Variants in NSUN3 observed in about 807,000 individuals in gnomAD.
The protein encoded by NSUN3 is tRNA (cytosine(34)-C(5))-methyltransferase, mitochondrial.
NSUN3 carries 24 observed loss-of-function variants against 36.8 expected under a neutral mutation model. The ratio of observed to expected loss-of-function variants is 0.65; its 90% CI spans 0.47 to 0.92. The LOEUF is 0.92. Among genes scored for constraint, NSUN3 ranks in the 40% least tolerant of loss-of-function variants. The pLI is 0.00. For synonymous variants in NSUN3, 146 were observed against 145.2 expected (o/e 1.01, Z -0.04); for missense variants, 381 against 392.8 (o/e 0.97, Z 0.25).
chr3:94,106,070 T>TGAGGCAATGAAC (rs2077387612), intron 5 of NSUN3, among the ~76,000 whole-genome samples: 1 of 152,166 alleles, frequency 6.6e-6, no homozygotes, highest in African/African-American at 2.4e-5. Context: ...CTCATATTAA[T>TGAGGCAATGAAC]GAGGCAATGA....
intron 5 of NSUN3, among the ~76,000 whole-genome samples, chr3:94,096,330 G>T (rs1275878110): frequency 4.6e-5 from 7 of 152,048 alleles, no homozygotes; most frequent in South Asian, 2.1e-4. Context: ...CTATTTGTTT[G>T]TATACTTCTG....
At chr3:94,087,697 G>A (rs772142508) in intron 3 of NSUN3, among the ~76,000 whole-genome samples, 2 of 152,158 alleles carry the variant, frequency 1.3e-5, no homozygotes, top group African/African-American at 4.8e-5. Flanking sequence ...TTGAGACAAG[G>A]TCTTGCTCTG....
intron 2 of NSUN3, chr3:94,076,327 C>T (rs2077245628): frequency 1.7e-5 from 14 of 843,338 alleles, no homozygotes; most frequent in Non-Finnish European, 2.7e-5. Context: ...AGAATGAACT[C>T]ACTATAAGGA....
intron 3 of NSUN3, among the ~76,000 whole-genome samples, chr3:94,087,191 A>T (rs2077295615): frequency 6.6e-6 from 1 of 152,218 alleles, no homozygotes; most frequent in East Asian, 1.9e-4. Flanking sequence ...AGAAGTACAG[A>T]TGTCTTCATG....
At chr3:94,110,386 C>G (rs970787178) in intron 5 of NSUN3, among the ~76,000 whole-genome samples, 1 of 152,012 alleles carries the variant, frequency 6.6e-6, no homozygotes, top group African/African-American at 2.4e-5. Context: ...AGGAAGTTAT[C>G]AGTGATAACT....
chr3:94,094,391 C>G (rs2077328934), intron 4 of NSUN3, 97 bp downstream of exon 4: 2 of 1,235,464 alleles, frequency 1.6e-6, no homozygotes, highest in Non-Finnish European at 2.2e-6. Flanking sequence ...TCAGACATAG[C>G]CTGATACAGT....
At chr3:94,082,188 AAG>A (rs1180828980) in intron 2 of NSUN3, 3 of 152,160 alleles carry the variant, frequency 2.0e-5, no homozygotes, top group Non-Finnish European at 4.4e-5. Flanking sequence ...GAACTGCCGT[AAG>A]ACTTATAATA....
chr3:94,076,375 T>C (rs1227219931), intron 2 of NSUN3: 2 of 809,698 alleles, frequency 2.5e-6, no homozygotes, highest in African/African-American at 1.7e-5. Flanking sequence ...GAGCGTCAAC[T>C]GAGTGGCTTG....
At chr3:94,094,970 T>G in intron 4 of NSUN3, 63 bp from the exon 5 acceptor site, 1 of 1,565,916 alleles carries the variant, frequency 6.4e-7, no homozygotes. Flanking sequence ...CTTCTCTATC[T>G]ACTTCGTGCC....
At chr3:94,117,487 G>A (rs2077445400) in intron 5 of NSUN3, among the ~76,000 whole-genome samples, 1 of 152,052 alleles carries the variant, frequency 6.6e-6, no homozygotes, top group Non-Finnish European at 1.5e-5. Context: ...TTTAAAAACT[G>A]TGTATTGTTT....
intron 5 of NSUN3, among the ~76,000 whole-genome samples, chr3:94,118,743 A>G (rs1399309139): frequency 2.0e-5 from 3 of 152,068 alleles, no homozygotes; most frequent in Non-Finnish European, 4.4e-5. Context: ...TTACACAAGC[A>G]TAGAGAACCC....
At chr3:94,076,799 C>G in intron 2 of NSUN3, 1 of 1,576,820 alleles carries the variant, frequency 6.3e-7, no homozygotes, top group South Asian at 1.1e-5. Flanking sequence ...GTTTACTTCT[C>G]CTTCATGGTT....
chr3:94,089,585 A>G (rs968599434), intron 3 of NSUN3, among the ~76,000 whole-genome samples: 16 of 152,156 alleles, frequency 1.1e-4, no homozygotes, highest in African/African-American at 3.9e-4. Context: ...AAGTTTCTAA[A>G]CACACTGTGC....
intron 5 of NSUN3, among the ~76,000 whole-genome samples, chr3:94,115,472 T>C (rs2077436095): frequency 6.6e-6 from 1 of 152,196 alleles, no homozygotes; most frequent in African/African-American, 2.4e-5. Context: ...CATAGTATAT[T>C]GGGGCTGTAA....
intron 5 of NSUN3, among the ~76,000 whole-genome samples, chr3:94,116,209 A>G (rs2077439625): frequency 6.6e-6 from 1 of 152,136 alleles, no homozygotes; most frequent in East Asian, 1.9e-4. Context: ...GAAGCAACAC[A>G]TTCTCACCTT....
chr3:94,067,650 G>A (rs2077210470), intron 2 of NSUN3, among the ~76,000 whole-genome samples: 3 of 152,078 alleles, frequency 2.0e-5, no homozygotes, highest in African/African-American at 7.2e-5. Flanking sequence ...CACTTTTATG[G>A]CACTATGTAC....
In NSUN3 at chr3:94,064,541, A is replaced by G; in HGVS notation, c.117A>G (p.Thr39=). 1 of 1,550,312 alleles carries G rather than the reference A, an allele frequency of 6.5e-7. No homozygotes were observed. The change falls in exon 2 of 6, where the codon ACA becomes ACG. Residue 39 remains threonine (T), a synonymous_variant. Transcript: ENST00000314622. ...AAGAACTCGGAGATGCCTGGAATAC[A>G]GTAAGGTTAGTATAATTCATCTCGA... ...YSKELGDAWN[T]VREILTSPSC... is the part of the protein sequence containing the mutation.
intron 5 of NSUN3, among the ~76,000 whole-genome samples, chr3:94,101,014 G>T (rs993318193): frequency 3.3e-5 from 5 of 151,428 alleles, no homozygotes; most frequent in East Asian, 1.9e-4. Context: ...TTAGAGAGAG[G>T]GTCTTGCTCT....
At chr3:94,122,885 A>G (rs2107274669) in intron 5 of NSUN3, among the ~76,000 whole-genome samples, 1 of 152,228 alleles carries the variant, frequency 6.6e-6, no homozygotes, top group East Asian at 1.9e-4. Context: ...TGGTCTTTGG[A>G]GTAATTCTGA....
Sources: allele counts gnomAD v4.1 joint callset (sites outside exome capture counted in the v4.1 genomes callset), GRCh38; gene constraint gnomAD v4.1.1; transcripts MANE v1.5; gene names NCBI Gene and HGNC (gene_info 2026-07-23, HGNC 2026-07-21).